The following HECW2 variants were observed in gnomAD, a reference collection of about 807,000 sequenced individuals.
The protein encoded by HECW2 is E3 ubiquitin-protein ligase HECW2.
In HECW2, 61 loss-of-function variants were observed where a neutral mutation model predicts 175.2. That is an observed-to-expected ratio of 0.35 (90% CI 0.28 to 0.43). The LOEUF is 0.43. Ranked by LOEUF, HECW2 falls within the 20% of genes least tolerant of loss-of-function variation. The pLI, the probability that HECW2 is intolerant of heterozygous loss-of-function variation, is 1.00. For missense variants in HECW2, 1,524 were observed against 2,000.5 expected, an observed-to-expected ratio of 0.76 and a Z score of 4.54; for synonymous variants, 671 against 731.0, an observed-to-expected ratio of 0.92 and a Z score of 1.32.
intron 3 of HECW2, among the ~76,000 whole-genome samples, chr2:196,334,772 C>T (rs973888251): frequency 4.6e-4 from 70 of 152,128 alleles, no homozygotes; most frequent in African/African-American, 1.5e-3. Context: ...AATAGTGTAG[C>T]GATAAGAATG....
chr2:196,458,141 A>G (rs984462687), intron 1 of HECW2, among the ~76,000 whole-genome samples: 15 of 152,034 alleles, frequency 9.9e-5, no homozygotes, highest in Non-Finnish European at 1.6e-4. Flanking sequence ...GTGGCAGCAC[A>G]TGCCTATTGT....
chr2:196,243,458 C>T (rs970613992), intron 19 of HECW2, among the ~76,000 whole-genome samples: 5 of 151,702 alleles, frequency 3.3e-5, no homozygotes, highest in East Asian at 2.0e-4. Flanking sequence ...TGAGCCACTG[C>T]GCCAGACCAT....
At chr2:196,239,190 TTTTGTCATGTCATAGTGTG>T (rs2105875300) in intron 21 of HECW2, 1 of 152,330 alleles carries the variant, frequency 6.6e-6, no homozygotes, top group African/African-American at 2.4e-5. Context: ...TCTGTACAAA[TTTTGTCATGTCATAGTGTG>T]TTTGCACATA....
intron 13 of HECW2, among the ~76,000 whole-genome samples, chr2:196,296,853 G>A (rs1163903214): frequency 6.6e-6 from 1 of 152,236 alleles, no homozygotes; most frequent in Non-Finnish European, 1.5e-5. Context: ...ACAGAGTTTA[G>A]TCTTCATGAA....
chr2:196,234,537 C>A (rs559171685), intron 21 of HECW2, among the ~76,000 whole-genome samples: 2 of 152,260 alleles, frequency 1.3e-5, no homozygotes, highest in South Asian at 4.1e-4. Flanking sequence ...TGAAGCAATA[C>A]TCCCACCTTG....
chr2:196,325,242 G>T, intron 5 of HECW2, 93 bp from the exon 6 acceptor site: 1 of 906,298 alleles, frequency 1.1e-6, no homozygotes, highest in Non-Finnish European at 1.7e-6. Context: ...AGGGACAGAA[G>T]AAGGAAGGAT....
intron 1 of HECW2, among the ~76,000 whole-genome samples, chr2:196,535,330 T>C (rs946162167): frequency 6.6e-6 from 1 of 152,216 alleles, no homozygotes; most frequent in Non-Finnish European, 1.5e-5. Context: ...TTTGTTATTC[T>C]TAAGCGCCAC....
At chr2:196,415,174 G>A (rs1346863297) in intron 2 of HECW2, among the ~76,000 whole-genome samples, 1 of 152,082 alleles carries the variant, frequency 6.6e-6, no homozygotes, top group Non-Finnish European at 1.5e-5. Context: ...TCTATGTTCT[G>A]GTGAACCTGT....
chr2:196,357,146 C>T (rs1693401540), intron 2 of HECW2, among the ~76,000 whole-genome samples: 1 of 152,210 alleles, frequency 6.6e-6, no homozygotes, highest in Non-Finnish European at 1.5e-5. Context: ...GAGAGGATGG[C>T]ACACGATGCT....
At chr2:196,234,380 T>C (rs972418969) in intron 21 of HECW2, among the ~76,000 whole-genome samples, 1 of 151,986 alleles carries the variant, frequency 6.6e-6, no homozygotes, top group Non-Finnish European at 1.5e-5. Flanking sequence ...CTTGAGCTCC[T>C]GGACTCAAGC....
At chr2:196,465,594 C>T (rs1054466051) in intron 1 of HECW2, among the ~76,000 whole-genome samples, 1 of 151,926 alleles carries the variant, frequency 6.6e-6, no homozygotes. Context: ...CTTTAGGGAA[C>T]CTGCCTTAAC....
chr2:196,291,217 T>C (rs1243221618), intron 14 of HECW2: 4 of 152,124 alleles, frequency 2.6e-5, no homozygotes, highest in Admixed American at 6.5e-5. Context: ...AATGTTGATA[T>C]ACTTTACTCC....
chr2:196,588,882 A>T (rs765919574), intron 1 of HECW2, among the ~76,000 whole-genome samples: 43 of 152,232 alleles, frequency 2.8e-4, no homozygotes, highest in Non-Finnish European at 5.0e-4. Context: ...GGATTTTTTT[A>T]AATTACATAG....
At chr2:196,343,949 A>G (rs1692856100) in intron 2 of HECW2, among the ~76,000 whole-genome samples, 185 bp from the exon 3 acceptor site, 1 of 152,092 alleles carries the variant, frequency 6.6e-6, no homozygotes, top group African/African-American at 2.4e-5. Flanking sequence ...TATGTGGGAG[A>G]AAGAAGGCTG....
chr2:196,271,991 C>A (rs181356939), intron 16 of HECW2, among the ~76,000 whole-genome samples: 25 of 152,210 alleles, frequency 1.6e-4, no homozygotes, highest in Admixed American at 1.4e-3. Context: ...AGGTCACCAA[C>A]GAGATTCTAG....
In HECW2 at chr2:196,320,386, C is replaced by T. The variant is rs772173718; in HGVS notation, c.938G>A (p.Ser313Asn). The change falls in exon 8 of 29, where the codon AGT (serine) becomes AAT (asparagine). Residue 313 changes from serine (S) to asparagine (N), a missense_variant. By Grantham distance (46) the Ser-to-Asn change is conservative (BLOSUM62 1). This residue lies in a region of HECW2 where 604 missense variants were observed against 588.3 expected (regional missense o/e 1.03). Transcript: ENST00000644978. ...LGRRLPADHV[S>N]GYLQFKVEVT... ...CTCCACTTTAAACTGGAGGTACCCA[C>T]TCACGTGGTCAGCTGGGAGCCTTCT... is the stretch of plus-strand genomic sequence containing the variant. 5 of 1,613,246 alleles carry T rather than the reference C, an allele frequency of 3.1e-6. No individual in the cohort carries two copies. The South Asian group carries it at 5.5e-5, about 18-fold the overall frequency.
chr2:196,508,554 G>T (rs1687844306), intron 1 of HECW2, among the ~76,000 whole-genome samples: 2 of 152,162 alleles, frequency 1.3e-5, no homozygotes, highest in South Asian at 2.1e-4. Context: ...GTAGGTGGGG[G>T]TATAATAAGA....
In HECW2 at chr2:196,417,442, T is replaced by A. The variant is rs571028227; in HGVS notation, c.292+15690A>T. 2.1e-4 allele frequency among the ~76,000 whole-genome samples: 32 copies of A among 152,338 alleles called. No individual in the cohort carries two copies. In the South Asian group the frequency reaches 5.0e-3, roughly 24 times the overall value. On this transcript the variant is annotated intron_variant, in intron 2 of 28. Coordinates refer to ENST00000644978, the MANE Select transcript of HECW2 (RefSeq NM_001348768.2). ...ATTTTACAAGTAATAATCCTGATTA[T>A]TTTTAATTAAAAAAATTTTTAGAGA...
intron 1 of HECW2, among the ~76,000 whole-genome samples, chr2:196,570,807 T>C (rs1690357546): frequency 6.6e-6 from 1 of 152,220 alleles, no homozygotes; most frequent in African/African-American, 2.4e-5. Flanking sequence ...CTAGCTAGTA[T>C]CATGGGACAA....
Sources: gnomAD v4.1 joint callset for allele counts (sites outside exome capture counted in the v4.1 genomes callset) on GRCh38, gnomAD v4.1.1 for gene constraint, gnomAD v4.1.1 regional missense constraint, MANE v1.5 for transcripts, NCBI Gene and HGNC (gene_info 2026-07-23, HGNC 2026-07-21) for gene names.